Variants in FLI1 observed in about 807,000 individuals in gnomAD.
FLI1 encodes the protein Fli-1 proto-oncogene, ETS transcription factor.
Under a neutral mutation model 53.1 loss-of-function variants are expected in FLI1, and 13 were observed. The observed-to-expected ratio is 0.24, with a 90% CI of 0.16 to 0.39. The LOEUF (loss-of-function observed/expected upper bound fraction) is 0.39, where lower values mean the gene tolerates loss of function less well. FLI1 is among the 10% of genes least tolerant of loss of function. The pLI, the probability that FLI1 is intolerant of heterozygous loss-of-function variation, is 1.00. For missense variants in FLI1, 424 were observed against 600.5 expected, an observed-to-expected ratio of 0.71 and a Z score of 3.07; for synonymous variants, 244 against 236.7, an observed-to-expected ratio of 1.03 and a Z score of -0.28.
upstream of FLI1, chr11:128,693,931 G>C (rs1937883053): frequency 3.6e-6 from 1 of 280,428 alleles, no homozygotes; most frequent in African/African-American, 2.3e-5. Flanking sequence ...AGAGAGAGGA[G>C]AGCTCGAGGC....
chr11:128,770,736 T>C (rs1941521828), intron 3 of FLI1, among the ~76,000 whole-genome samples: 1 of 152,204 alleles, frequency 6.6e-6, no homozygotes, highest in Non-Finnish European at 1.5e-5. Context: ...AAGAATGAAA[T>C]AATATGCTAC....
intron 5 of FLI1, among the ~76,000 whole-genome samples, chr11:128,796,950 G>A (rs1351982228): frequency 3.3e-5 from 5 of 152,232 alleles, no homozygotes; most frequent in African/African-American, 1.2e-4. Flanking sequence ...ACTCCAGCCT[G>A]GGGGACAAGA....
upstream of FLI1, chr11:128,693,907 G>A (rs1212957508): frequency 3.7e-6 from 1 of 269,248 alleles, no homozygotes; most frequent in African/African-American, 2.2e-5. Context: ...ACGAGGGAGA[G>A]CAGAGGGGAG....
At chr11:128,742,888 C>A (rs1262041603) in intron 1 of FLI1, among the ~76,000 whole-genome samples, 1 of 152,228 alleles carries the variant, frequency 6.6e-6, no homozygotes, top group Non-Finnish European at 1.5e-5. Context: ...TACCTGAGAG[C>A]ATTTCTGGTT....
At chr11:128,711,015 A>G (rs1007674004) in intron 1 of FLI1, among the ~76,000 whole-genome samples, 2 of 152,220 alleles carry the variant, frequency 1.3e-5, no homozygotes, top group African/African-American at 4.8e-5. Flanking sequence ...GGGCTGTCCA[A>G]CAGAACTTTC....
At chr11:128,790,011 G>A (rs1419824391) in intron 5 of FLI1, among the ~76,000 whole-genome samples, 1 of 151,590 alleles carries the variant, frequency 6.6e-6, no homozygotes, top group Non-Finnish European at 1.5e-5. Context: ...ATGTGCCTAA[G>A]CCATTCTTAG....
chr11:128,790,066 A>ATTCG (rs200869159), intron 5 of FLI1, among the ~76,000 whole-genome samples: 3,932 of 135,796 alleles, frequency 0.029, 128 homozygotes, highest in African/African-American at 0.11. Flanking sequence ...GTGTGCATGC[A>ATTCG]TGCGTGTGTG....
At chr11:128,686,218 G>A, upstream of FLI1, 1 of 385,362 alleles carries the variant, frequency 2.6e-6, no homozygotes, top group South Asian at 1.9e-5. Flanking sequence ...CAAGAAAGGG[G>A]AGTCCTACCT....
intron 5 of FLI1, among the ~76,000 whole-genome samples, chr11:128,796,954 G>A (rs954225382): frequency 1.2e-4 from 18 of 152,232 alleles, no homozygotes; most frequent in African/African-American, 4.3e-4. Flanking sequence ...CAGCCTGGGG[G>A]ACAAGAGCAA....
chr11:128,749,401 G>A (rs1473802968), intron 1 of FLI1, among the ~76,000 whole-genome samples: 1 of 152,200 alleles, frequency 6.6e-6, no homozygotes, highest in Non-Finnish European at 1.5e-5. Context: ...GTTGGCTGTG[G>A]CCTCGGTTCC....
chr11:128,757,045 TTTCTTTC>T (rs1157584065), intron 1 of FLI1, among the ~76,000 whole-genome samples: 192 of 15,646 alleles, frequency 0.012, no homozygotes, highest in African/African-American at 0.036. Context: ...TAGCTAATTT[TTTCTTTC>T]TTTCTTTCTT....
At chr11:128,718,541 T>A (rs1939115204) in intron 1 of FLI1, among the ~76,000 whole-genome samples, 1 of 152,190 alleles carries the variant, frequency 6.6e-6, no homozygotes, top group African/African-American at 2.4e-5. Context: ...AAACCAGGAC[T>A]GGGGCGGGAA....
At chr11:128,774,857 G>A (rs935478844) in intron 4 of FLI1, among the ~76,000 whole-genome samples, 2 of 152,178 alleles carry the variant, frequency 1.3e-5, no homozygotes, top group Admixed American at 1.3e-4. Context: ...GCTGAAGTGA[G>A]ACAAATGCCT....
At position 128,812,277 on chromosome 11, in the gene FLI1, A is replaced by C. The variant is rs1281006675; in HGVS notation, c.*1289A>C. The C allele has an allele frequency of 4.6e-6, 1 of 219,286 alleles. No individual in the cohort carries two copies. Among genetic ancestry groups the C allele is most frequent in the Admixed American group, 5.8e-5 (1 of 17,264 alleles). The allele number at this position is 219,286 out of a possible 1,614,324, so 13.6% of individuals were successfully genotyped here. Reference sequence around the variant, plus strand: ...GGGATTTTCCTGCTCTATATAAGCAACATATTTTTAGACATTAAAATATAT... The same window carrying C: ...GGGATTTTCCTGCTCTATATAAGCACCATATTTTTAGACATTAAAATATAT... On this transcript the variant is annotated 3_prime_UTR_variant, in exon 9 of 9. Coordinates refer to ENST00000527786, the MANE Select transcript of FLI1 (RefSeq NM_002017.5).
intron 1 of FLI1, chr11:128,748,241 T>A (rs921596768): frequency 2.0e-6 from 2 of 983,920 alleles, no homozygotes; most frequent in African/African-American, 3.5e-5. Flanking sequence ...TTCTAGGAAT[T>A]CTTTCTCTGG....
chr11:128,786,609 C>T (rs1942091297), intron 5 of FLI1, among the ~76,000 whole-genome samples: 1 of 152,136 alleles, frequency 6.6e-6, no homozygotes, highest in African/African-American at 2.4e-5. Flanking sequence ...TTGTTCTCTC[C>T]CGTCCTCCAG....
chr11:128,747,199 G>T (rs921221933), intron 1 of FLI1, among the ~76,000 whole-genome samples: 1 of 152,228 alleles, frequency 6.6e-6, no homozygotes. Flanking sequence ...GAGACACGGT[G>T]CCCATCACCT....
At chr11:128,699,831 T>C (rs997864291) in intron 1 of FLI1, among the ~76,000 whole-genome samples, 19 of 152,306 alleles carry the variant, frequency 1.2e-4, no homozygotes, top group African/African-American at 4.1e-4. Flanking sequence ...AGGTAATCTA[T>C]GGAATAAACC....
chr11:128,771,283 T>C (rs1337604877), intron 3 of FLI1, among the ~76,000 whole-genome samples: 1 of 152,064 alleles, frequency 6.6e-6, no homozygotes, highest in Non-Finnish European at 1.5e-5. Flanking sequence ...CTCTCCTAAC[T>C]CCTCCCCTTT....
Sources: allele counts gnomAD v4.1 joint callset (sites outside exome capture counted in the v4.1 genomes callset), GRCh38; gene constraint gnomAD v4.1.1; transcripts MANE v1.5; gene names NCBI Gene and HGNC (gene_info 2026-07-23, HGNC 2026-07-21).